The following PRKG1 variants were observed in gnomAD, a reference collection of about 807,000 sequenced individuals.
PRKG1 encodes the protein cGMP-dependent protein kinase 1.
A neutral mutation model predicts 88.1 loss-of-function variants in PRKG1; 35 were observed. The ratio of observed to expected loss-of-function variants is 0.40; its 90% confidence interval spans 0.30 to 0.53. The LOEUF (loss-of-function observed/expected upper bound fraction) is 0.53, where lower values mean the gene tolerates loss of function less well. Ranked by LOEUF, PRKG1 falls within the 20% of genes least tolerant of loss-of-function variation. The pLI is 0.59. For synonymous variants in PRKG1, 303 were observed against 292.5 expected, an observed-to-expected ratio of 1.04 and a Z score of -0.37; for missense variants, 540 against 839.8, an observed-to-expected ratio of 0.64 and a Z score of 4.41.
intron 2 of PRKG1, among the ~76,000 whole-genome samples, chr10:51,464,876 G>A (rs1264162225): frequency 2.4e-5 from 3 of 124,700 alleles, no homozygotes; most frequent in Non-Finnish European, 4.9e-5. Flanking sequence ...GGGCGACAGA[G>A]CGAGACTCCG....
intron 5 of PRKG1, among the ~76,000 whole-genome samples, chr10:51,925,896 G>T (rs1589426858): frequency 6.6e-6 from 1 of 152,196 alleles, no homozygotes; most frequent in East Asian, 1.9e-4. Context: ...GGATGAAAGT[G>T]TTGACTTACA....
At chr10:51,574,714 G>A (rs1298299113) in intron 3 of PRKG1, among the ~76,000 whole-genome samples, 1 of 151,918 alleles carries the variant, frequency 6.6e-6, no homozygotes, top group East Asian at 1.9e-4. Flanking sequence ...TGAGAATCAA[G>A]TTATGTTAAG....
At chr10:51,696,983 T>G (rs1564610838) in intron 3 of PRKG1, 1 of 151,812 alleles carries the variant, frequency 6.6e-6, no homozygotes, top group South Asian at 2.1e-4. Flanking sequence ...ATCTTAGAAT[T>G]GTCACAGCAA....
intron 3 of PRKG1, among the ~76,000 whole-genome samples, chr10:51,756,454 T>A (rs1011592437): frequency 4.1e-5 from 6 of 144,596 alleles, no homozygotes; most frequent in Non-Finnish European, 7.5e-5. Flanking sequence ...GCCACTGCAC[T>A]CCAGCATGGG....
chr10:51,575,572 T>C (rs757476109), intron 3 of PRKG1, among the ~76,000 whole-genome samples: 1 of 151,996 alleles, frequency 6.6e-6, no homozygotes, highest in Non-Finnish European at 1.5e-5. Context: ...TATAACTCAT[T>C]GTGATTAGTT....
intron 4 of PRKG1, among the ~76,000 whole-genome samples, chr10:51,852,170 T>C (rs996316104): frequency 6.7e-6 from 1 of 149,046 alleles, no homozygotes; most frequent in Non-Finnish European, 1.5e-5. Context: ...ATATAACATA[T>C]ATGTTATATA....
intron 3 of PRKG1, among the ~76,000 whole-genome samples, chr10:51,521,770 C>G (rs1176263156): frequency 6.6e-6 from 1 of 152,138 alleles, no homozygotes; most frequent in Admixed American, 6.5e-5. Flanking sequence ...GAAGAATTGT[C>G]TATAAATAGA....
intron 2 of PRKG1, among the ~76,000 whole-genome samples, chr10:51,358,544 A>C (rs779460599): frequency 6.6e-6 from 1 of 151,980 alleles, no homozygotes; most frequent in Non-Finnish European, 1.5e-5. Flanking sequence ...GGAGAAACTG[A>C]AAACTATAAT....
At chr10:51,026,984 A>G (rs1247197926) in intron 1 of PRKG1, among the ~76,000 whole-genome samples, 1 of 152,136 alleles carries the variant, frequency 6.6e-6, no homozygotes, top group East Asian at 1.9e-4. Context: ...TCAAATCTAT[A>G]TCTGTCAAAT....
chr10:51,503,162 A>C (rs1255108860), intron 3 of PRKG1, among the ~76,000 whole-genome samples: 1 of 152,120 alleles, frequency 6.6e-6, no homozygotes, highest in Non-Finnish European at 1.5e-5. Flanking sequence ...TATGCTCAGC[A>C]CTTTTCCTGA....
intron 3 of PRKG1, among the ~76,000 whole-genome samples, chr10:51,729,489 G>T (rs1388777459): frequency 6.6e-6 from 1 of 151,740 alleles, no homozygotes. Context: ...GGAGGCCAAG[G>T]CGGGCTCAGG....
intron 2 of PRKG1, among the ~76,000 whole-genome samples, chr10:51,307,943 T>C (rs1841080344): frequency 6.6e-6 from 1 of 152,208 alleles, no homozygotes; most frequent in African/African-American, 2.4e-5. Context: ...ATTCAGGTAT[T>C]CAGTAAACAC....
intron 5 of PRKG1, among the ~76,000 whole-genome samples, chr10:51,962,728 T>A (rs1843476295): frequency 6.6e-6 from 1 of 152,176 alleles, no homozygotes; most frequent in Admixed American, 6.6e-5. Flanking sequence ...CACAGGGGAA[T>A]GTGGTCTAGG....
intron 4 of PRKG1, among the ~76,000 whole-genome samples, chr10:51,845,820 A>G (rs1159764619): frequency 6.6e-6 from 1 of 152,136 alleles, no homozygotes. Flanking sequence ...TTCAATATAC[A>G]TAATACTTTA....
chr10:51,462,604 A>G (rs569245391), intron 2 of PRKG1, among the ~76,000 whole-genome samples: 8 of 152,316 alleles, frequency 5.3e-5, no homozygotes, highest in Admixed American at 5.2e-4. Context: ...TTTAGGACTT[A>G]TGACTCAGCT....
intron 3 of PRKG1, among the ~76,000 whole-genome samples, chr10:51,686,584 A>G (rs1564606239): frequency 1.3e-5 from 2 of 152,336 alleles, no homozygotes; most frequent in African/African-American, 4.8e-5. Context: ...CAAAGATCCT[A>G]TAAGCCATCT....
chr10:51,254,878 T>G (rs2132147751), intron 2 of PRKG1, among the ~76,000 whole-genome samples: 1 of 152,140 alleles, frequency 6.6e-6, no homozygotes, highest in Non-Finnish European at 1.5e-5. Context: ...ATTAATAATA[T>G]GACAAACATT....
At position 52,233,050 on chromosome 10, in the gene PRKG1, T is replaced by G. The variant is rs375671961; in HGVS notation, c.1077-18520T>G. Among the ~76,000 whole-genome samples the G allele has an allele frequency of 2.0e-5, 3 of 152,286 alleles. No homozygotes were observed. The East Asian group carries it at 5.8e-4, about 29-fold the overall frequency. ...GAGAGGCAACAAGTCAAGGTAGTGC[T>G]CCTATCACTTTATATAGTTTCTTCT... On this transcript the variant is annotated intron_variant, in intron 9 of 17. Transcript: ENST00000373980.
chr10:52,289,409 G>A (rs945333064), intron 16 of PRKG1, among the ~76,000 whole-genome samples: 1 of 152,224 alleles, frequency 6.6e-6, no homozygotes, highest in African/African-American at 2.4e-5. Context: ...AAAAACATAA[G>A]TACAGAATAC....
Sources: allele counts gnomAD v4.1 joint callset (sites outside exome capture counted in the v4.1 genomes callset), GRCh38; gene constraint gnomAD v4.1.1; transcripts MANE v1.5; gene names NCBI Gene and HGNC (gene_info 2026-07-23, HGNC 2026-07-21).